CENPW: variants seen among roughly 807,000 people sequenced by gnomAD.
CENPW encodes the protein centromere protein W.
CENPW carries 3 observed loss-of-function variants against 11.1 expected under a neutral mutation model. The ratio of observed to expected loss-of-function variants is 0.27; its 90% CI spans 0.12 to 0.70. The LOEUF is 0.70. Ranked by LOEUF, CENPW falls within the 30% of genes least tolerant of loss-of-function variation. The pLI is 0.77. For synonymous variants in CENPW, 38 were observed against 42.0 expected (o/e 0.91, Z 0.37); for missense variants, 100 against 105.6 (o/e 0.95, Z 0.23).
chr6:126,423,604 TTA>T, the CENPW span, among the ~76,000 whole-genome samples: 1 of 151,982 alleles, frequency 6.6e-6, no homozygotes, highest in African/African-American at 2.4e-5. Flanking sequence ...GTGAAAGATG[TTA>T]TGTGTGGTGG....
chr6:126,392,884 T>G, the CENPW span, among the ~76,000 whole-genome samples: 1 of 151,864 alleles, frequency 6.6e-6, no homozygotes, highest in Non-Finnish European at 1.5e-5. Context: ...TTAGTACTTC[T>G]TTAACTGGAA....
chr6:126,344,788 G>A (rs951183322), intron 1 of CENPW, among the ~76,000 whole-genome samples: 1 of 152,100 alleles, frequency 6.6e-6, no homozygotes, highest in Admixed American at 6.6e-5. Context: ...ATCTATTAAA[G>A]ATTTCTGCAT....
chr6:126,358,268 A>T, the CENPW span, among the ~76,000 whole-genome samples: 2 of 152,080 alleles, frequency 1.3e-5, no homozygotes, highest in East Asian at 3.9e-4. Context: ...TAGATTGGGC[A>T]TTCTTGTCTG....
the CENPW span, among the ~76,000 whole-genome samples, chr6:126,464,038 A>C: frequency 6.6e-6 from 1 of 152,116 alleles, no homozygotes; most frequent in African/African-American, 2.4e-5. Context: ...GATAACTATG[A>C]ACATATATGT....
At chr6:126,442,369 G>C in the CENPW span, among the ~76,000 whole-genome samples, 2 of 150,978 alleles carry the variant, frequency 1.3e-5, no homozygotes, top group Non-Finnish European at 3.0e-5. Context: ...AAATAGATGG[G>C]ACATAATTAC....
chr6:126,460,572 T>A, the CENPW span, among the ~76,000 whole-genome samples: 1 of 151,796 alleles, frequency 6.6e-6, no homozygotes, highest in South Asian at 2.1e-4. Context: ...CTTAAGTTAT[T>A]ACAGTGTATT....
At chr6:126,355,069 T>C in the CENPW span, among the ~76,000 whole-genome samples, 1 of 152,160 alleles carries the variant, frequency 6.6e-6, no homozygotes, top group Admixed American at 6.6e-5. Context: ...ATTGAAATTG[T>C]GTTAAATTAT....
At chr6:126,438,674 C>T in the CENPW span, among the ~76,000 whole-genome samples, 1 of 151,662 alleles carries the variant, frequency 6.6e-6, no homozygotes, top group Non-Finnish European at 1.5e-5. Context: ...AGTACAAACA[C>T]ACTTTCTGCA....
chr6:126,422,968 G>T, the CENPW span, among the ~76,000 whole-genome samples: 40 of 152,128 alleles, frequency 2.6e-4, no homozygotes, highest in Non-Finnish European at 4.6e-4. Flanking sequence ...GGTTCCTGGA[G>T]AATCTTTTCA....
chr6:126,463,971 T>C, the CENPW span, among the ~76,000 whole-genome samples: 1 of 151,992 alleles, frequency 6.6e-6, no homozygotes, highest in Admixed American at 6.6e-5. Context: ...TACCGTTATA[T>C]CAAAACCAGA....
At chr6:126,460,645 A>C in the CENPW span, among the ~76,000 whole-genome samples, 1 of 151,782 alleles carries the variant, frequency 6.6e-6, no homozygotes, top group African/African-American at 2.4e-5. Context: ...ACAGTAGTTA[A>C]AGCAGTAAAA....
At chr6:126,363,320 T>A in the CENPW span, among the ~76,000 whole-genome samples, 1 of 152,226 alleles carries the variant, frequency 6.6e-6, no homozygotes, top group Admixed American at 6.5e-5. Context: ...CATAGTTTTT[T>A]AAAAAATGGA....
At chr6:126,447,403 A>G in the CENPW span, among the ~76,000 whole-genome samples, 1 of 151,206 alleles carries the variant, frequency 6.6e-6, no homozygotes, top group African/African-American at 2.4e-5. Flanking sequence ...GTTGGGACAA[A>G]TAGAAGCAAA....
At chr6:126,349,448 G>C, downstream of CENPW, among the ~76,000 whole-genome samples, 1 of 152,076 alleles carries the variant, frequency 6.6e-6, no homozygotes, top group East Asian at 1.9e-4. Flanking sequence ...TTTAAAATGT[G>C]TCCTACCCTA....
the CENPW span, among the ~76,000 whole-genome samples, chr6:126,381,103 C>A: frequency 6.6e-6 from 1 of 152,156 alleles, no homozygotes; most frequent in Non-Finnish European, 1.5e-5. Flanking sequence ...AGCAAGAATC[C>A]CCCTTACCCC....
At chr6:126,384,916 GA>G in the CENPW span, among the ~76,000 whole-genome samples, 1 of 151,644 alleles carries the variant, frequency 6.6e-6, no homozygotes, top group Admixed American at 6.6e-5. Context: ...AAATTTACAA[GA>G]AAAAACAACC....
the CENPW span, among the ~76,000 whole-genome samples, chr6:126,397,297 C>A: frequency 6.6e-6 from 1 of 152,138 alleles, no homozygotes; most frequent in Non-Finnish European, 1.5e-5. Context: ...CAGGCATTGG[C>A]TGAGTTTAGC....
chr6:126,344,361 A>G (rs1304839275), intron 1 of CENPW, among the ~76,000 whole-genome samples: 1 of 152,242 alleles, frequency 6.6e-6, no homozygotes, highest in Non-Finnish European at 1.5e-5. Flanking sequence ...GAGAAATTCA[A>G]AAGGCCTAGT....
At chr6:126,445,792 T>TTTTTTAG in the CENPW span, among the ~76,000 whole-genome samples, 6 of 151,328 alleles carry the variant, frequency 4.0e-5, no homozygotes, top group South Asian at 1.2e-3. Flanking sequence ...AAATGTGAAT[T>TTTTTTAG]TATTTTACTT....
Sources: allele counts gnomAD v4.1 joint callset (sites outside exome capture counted in the v4.1 genomes callset), GRCh38; gene constraint gnomAD v4.1.1; transcripts MANE v1.5; gene names NCBI Gene and HGNC (gene_info 2026-07-23, HGNC 2026-07-21).